The following ERC2 variants were observed in gnomAD, a reference collection of about 807,000 sequenced individuals.
ERC2 encodes ERC protein 2.
In ERC2, 42 loss-of-function variants were observed where a neutral mutation model predicts 114.8. The observed-to-expected ratio is 0.37, with a 90% CI of 0.29 to 0.47. The LOEUF (loss-of-function observed/expected upper bound fraction) is 0.47, where lower values mean the gene tolerates loss of function less well. ERC2 is among the 20% of genes least tolerant of loss of function. The probability of loss-of-function intolerance (pLI) is 0.99; values close to 1 mark genes in which losing one functional copy is unlikely to be tolerated. For synonymous variants in ERC2, 454 were observed against 425.5 expected, an observed-to-expected ratio of 1.07 and a Z score of -0.82; for missense variants, 939 against 1,150.7, an observed-to-expected ratio of 0.82 and a Z score of 2.66.
intron 13 of ERC2, among the ~76,000 whole-genome samples, chr3:55,908,673 C>CTGAGCTCATGAATTAGA (rs2064615522): frequency 6.6e-6 from 1 of 152,162 alleles, no homozygotes; most frequent in Non-Finnish European, 1.5e-5. Context: ...TTGCTATAAA[C>CTGAGCTCATGAATTAGA]TGAGCTCATG....
intron 2 of ERC2, among the ~76,000 whole-genome samples, chr3:56,349,989 C>T (rs928543267): frequency 6.6e-6 from 1 of 151,664 alleles, no homozygotes; most frequent in African/African-American, 2.4e-5. Flanking sequence ...ATAATATGTA[C>T]ACCCCTGTGA....
At chr3:56,025,571 C>A (rs74656610) in intron 7 of ERC2, among the ~76,000 whole-genome samples, 11 of 152,146 alleles carry the variant, frequency 7.2e-5, no homozygotes, top group African/African-American at 2.7e-4. Flanking sequence ...AAACCAGCAA[C>A]CAAGCATTTC....
chr3:55,669,256 A>G (rs555850310), intron 17 of ERC2, among the ~76,000 whole-genome samples: 2 of 152,360 alleles, frequency 1.3e-5, no homozygotes, highest in African/African-American at 4.8e-5. Context: ...GTGATTTCTG[A>G]AAGATGCCAG....
At chr3:55,727,330 A>T (rs748950240) in intron 15 of ERC2, among the ~76,000 whole-genome samples, 8 of 152,240 alleles carry the variant, frequency 5.3e-5, no homozygotes, top group Non-Finnish European at 8.8e-5. Flanking sequence ...TGCAAGCAAG[A>T]TTATTTTTAA....
chr3:56,044,555 G>A (rs2075365642), intron 7 of ERC2, among the ~76,000 whole-genome samples: 1 of 151,778 alleles, frequency 6.6e-6, no homozygotes, highest in Admixed American at 6.6e-5. Context: ...TTCATTTGGG[G>A]GGAAAATTGT....
At chr3:56,322,348 T>A (rs2057166653) in intron 2 of ERC2, among the ~76,000 whole-genome samples, 1 of 152,226 alleles carries the variant, frequency 6.6e-6, no homozygotes, top group South Asian at 2.1e-4. Context: ...CCTTTTGCAA[T>A]ATGATTTTGC....
intron 17 of ERC2, among the ~76,000 whole-genome samples, chr3:55,575,634 T>C (rs1268939394): frequency 6.6e-6 from 1 of 152,228 alleles, no homozygotes; most frequent in African/African-American, 2.4e-5. Flanking sequence ...GCCCAGTTCC[T>C]GGCCCCAGAG....
At chr3:56,300,989 C>A (rs1374804370) in intron 2 of ERC2, among the ~76,000 whole-genome samples, 13 of 152,180 alleles carry the variant, frequency 8.5e-5, no homozygotes, top group Admixed American at 3.9e-4. Context: ...GTGGCTCACA[C>A]CTGTAATCCC....
At chr3:55,792,635 G>A (rs575020352) in intron 14 of ERC2, among the ~76,000 whole-genome samples, 1 of 152,294 alleles carries the variant, frequency 6.6e-6, no homozygotes, top group Non-Finnish European at 1.5e-5. Flanking sequence ...ACCAACAATA[G>A]TAATGGAAAG....
chr3:55,736,182 T>C (rs749201763), intron 14 of ERC2, among the ~76,000 whole-genome samples: 6 of 152,220 alleles, frequency 3.9e-5, no homozygotes, highest in Non-Finnish European at 7.4e-5. Context: ...CATTCTATTG[T>C]GTAAAGATCC....
chr3:55,710,941 C>A (rs1410912562), intron 15 of ERC2, among the ~76,000 whole-genome samples: 1 of 152,152 alleles, frequency 6.6e-6, no homozygotes, highest in Non-Finnish European at 1.5e-5. Context: ...GGAGAAACCC[C>A]CAGAATACTT....
intron 17 of ERC2, among the ~76,000 whole-genome samples, chr3:55,550,341 C>G (rs2055080811): frequency 6.6e-6 from 1 of 152,172 alleles, no homozygotes; most frequent in South Asian, 2.1e-4. Flanking sequence ...GTGTGATTAT[C>G]TCACTTAGTT....
At chr3:56,161,487 G>C (rs1263002595) in intron 4 of ERC2, among the ~76,000 whole-genome samples, 1 of 152,152 alleles carries the variant, frequency 6.6e-6, no homozygotes, top group Non-Finnish European at 1.5e-5. Context: ...AATTGCTTTA[G>C]GCAGTATGGC....
intron 3 of ERC2, among the ~76,000 whole-genome samples, chr3:56,294,656 C>T (rs1279040511): frequency 6.6e-6 from 1 of 152,206 alleles, no homozygotes; most frequent in Non-Finnish European, 1.5e-5. Context: ...ATAACATTGA[C>T]ATTCTGTTAA....
intron 8 of ERC2, among the ~76,000 whole-genome samples, chr3:56,017,337 T>C (rs1037248298): frequency 3.9e-4 from 60 of 152,308 alleles, no homozygotes; most frequent in African/African-American, 1.3e-3. Context: ...CTGGAAATCA[T>C]TTTAAAAGTA....
At chr3:55,586,429 C>A (rs1490649163) in intron 17 of ERC2, among the ~76,000 whole-genome samples, 2 of 152,248 alleles carry the variant, frequency 1.3e-5, no homozygotes, top group African/African-American at 4.8e-5. Flanking sequence ...CTGAAAGCAT[C>A]TTACCGGATA....
At chr3:56,014,125 A>G (rs1214660643) in intron 8 of ERC2, among the ~76,000 whole-genome samples, 1 of 152,176 alleles carries the variant, frequency 6.6e-6, no homozygotes, top group African/African-American at 2.4e-5. Context: ...ACAGATGCAA[A>G]CAGAGTTTGG....
At chr3:55,958,167 A>C (rs377341794) in intron 12 of ERC2, among the ~76,000 whole-genome samples, 4 of 152,298 alleles carry the variant, frequency 2.6e-5, no homozygotes, top group African/African-American at 9.6e-5. Context: ...CAGGCAGGTC[A>C]TCCCAATGAG....
intron 14 of ERC2, among the ~76,000 whole-genome samples, chr3:55,843,329 G>T (rs1000747782): frequency 7.2e-5 from 11 of 152,134 alleles, no homozygotes; most frequent in Admixed American, 5.9e-4. Context: ...GAAGGAACCT[G>T]GTTTCCTGTC....
Sources: gnomAD v4.1 joint callset for allele counts (sites outside exome capture counted in the v4.1 genomes callset) on GRCh38, gnomAD v4.1.1 for gene constraint, MANE v1.5 for transcripts, NCBI Gene and HGNC (gene_info 2026-07-23, HGNC 2026-07-21) for gene names.